The following NTN4 variants were observed in gnomAD, a reference collection of about 807,000 sequenced individuals.
NTN4 encodes the protein netrin 4.
In NTN4, 32 loss-of-function variants were observed where a neutral mutation model predicts 73.6. That is an observed-to-expected ratio of 0.44 (90% CI 0.33 to 0.58). NTN4 has a LOEUF of 0.58. NTN4 is among the 20% of genes least tolerant of loss of function. The probability of loss-of-function intolerance (pLI) is 0.04; values close to 1 mark genes in which losing one functional copy is unlikely to be tolerated. For synonymous variants in NTN4, 258 were observed against 287.5 expected (o/e 0.90, Z 1.04); for missense variants, 654 against 798.3 (o/e 0.82, Z 2.18).
chr12:95,729,846 G>T (rs1000282650), intron 3 of NTN4, among the ~76,000 whole-genome samples: 2 of 152,100 alleles, frequency 1.3e-5, no homozygotes, highest in African/African-American at 2.4e-5. Context: ...GACACGATTT[G>T]TGCACCAGAA....
intron 8 of NTN4, among the ~76,000 whole-genome samples, 193 bp downstream of exon 8, chr12:95,669,885 G>A (rs1014152671): frequency 3.3e-5 from 5 of 152,096 alleles, no homozygotes; most frequent in Non-Finnish European, 7.4e-5. Context: ...TCCTCCCTGG[G>A]ACATCCATCA....
intron 2 of NTN4, among the ~76,000 whole-genome samples, chr12:95,739,138 T>C (rs2078804231): frequency 6.6e-6 from 1 of 152,230 alleles, no homozygotes; most frequent in South Asian, 2.1e-4. Context: ...TGGCACATAG[T>C]AAGTATTCAA....
At chr12:95,710,291 C>T (rs918539827) in intron 5 of NTN4, 150 bp downstream of exon 5, 1 of 576,502 alleles carries the variant, frequency 1.7e-6, no homozygotes, top group South Asian at 3.3e-5. Flanking sequence ...AAATTCTTGC[C>T]TCTTATCAAT....
chr12:95,780,448 T>G (rs2079123977), intron 2 of NTN4, among the ~76,000 whole-genome samples: 1 of 151,892 alleles, frequency 6.6e-6, no homozygotes, highest in Non-Finnish European at 1.5e-5. Context: ...TCAAACAAAT[T>G]TACCAGAAAA....
At chr12:95,762,857 AAACT>A (rs1236817605) in intron 2 of NTN4, among the ~76,000 whole-genome samples, 19 of 152,216 alleles carry the variant, frequency 1.2e-4, no homozygotes. Context: ...ATTGGCAAAC[AAACT>A]AACTCTCATT....
intron 5 of NTN4, among the ~76,000 whole-genome samples, chr12:95,685,190 T>C (rs1223114065): frequency 6.6e-6 from 1 of 152,202 alleles, no homozygotes; most frequent in African/African-American, 2.4e-5. Flanking sequence ...ATTTATTCAA[T>C]TTTTCCTGGA....
intron 2 of NTN4, among the ~76,000 whole-genome samples, chr12:95,751,731 G>T (rs568598160): frequency 7.9e-5 from 12 of 151,772 alleles, no homozygotes; most frequent in African/African-American, 2.4e-4. Flanking sequence ...GGAAGGTAAG[G>T]CCGTCCCCTT....
intron 3 of NTN4, among the ~76,000 whole-genome samples, chr12:95,727,376 C>T (rs1302169229): frequency 6.6e-6 from 1 of 152,162 alleles, no homozygotes; most frequent in East Asian, 1.9e-4. Context: ...CCATTCTGTG[C>T]ATTGTCTTTT....
chr12:95,720,873 A>G (rs1565895916), intron 3 of NTN4, among the ~76,000 whole-genome samples: 2 of 152,252 alleles, frequency 1.3e-5, no homozygotes, highest in Non-Finnish European at 2.9e-5. Flanking sequence ...AGTAGCTCTT[A>G]CTATATACCC....
chr12:95,665,910 C>T lies in NTN4; in HGVS notation c.1650G>A (p.Lys550=), dbSNP rs1300524236. ...TCTTCAGTTTGGTAGATTTTAAGACCTTTTTAATCTTCACATTGACCTCAA... is the reference window on the plus strand; with the variant it reads ...TCTTCAGTTTGGTAGATTTTAAGACTTTTTTAATCTTCACATTGACCTCAA... The part of the protein sequence containing the change: ...THVEVNVKIK[K]VLKSTKLKIF... Residue 550 remains lysine, a synonymous_variant, in exon 9 of 10, where the codon AAG becomes AAA. Coordinates refer to ENST00000343702, the MANE Select transcript of NTN4 (RefSeq NM_021229.4). 1.2e-6 allele frequency: 2 copies of T among 1,613,350 alleles called. No homozygotes were observed. The highest frequency in any genetic ancestry group is 2.2e-5 in the South Asian group (2 of 91,050).
chr12:95,681,501 A>C (rs2078315768), intron 7 of NTN4, among the ~76,000 whole-genome samples: 1 of 152,192 alleles, frequency 6.6e-6, no homozygotes, highest in Non-Finnish European at 1.5e-5. Context: ...TTTCATAATA[A>C]AATATATTTA....
In NTN4 at chr12:95,787,225, C is replaced by T. The variant is rs537136429; in HGVS notation, c.299G>A (p.Arg100Gln). 267 of 1,614,140 alleles carry T rather than the reference C, an allele frequency of 1.7e-4. 4 individuals carry two copies. In the South Asian group the frequency reaches 2.2e-3, roughly 13 times the overall value. ...LPSAMADSSFRFPRTWWQSAE... is the reference protein window; with the variant it reads ...LPSAMADSSFQFPRTWWQSAE... ...AGACTGCCACCATGTGCGAGGAAAC[C>T]GGAAGGATGAGTCTGCCATGGCAGA... The change falls in exon 2 of 10, where the codon CGG becomes CAG. Residue 100 changes from arginine (R) to glutamine (Q), a missense_variant. Physicochemically the swap from Arg to Gln is conservative, Grantham distance 43. Coordinates refer to ENST00000343702, the MANE Select transcript of NTN4 (RefSeq NM_021229.4).
chr12:95,743,796 G>C (rs188313578), intron 2 of NTN4, among the ~76,000 whole-genome samples: 1 of 152,232 alleles, frequency 6.6e-6, no homozygotes, highest in Non-Finnish European at 1.5e-5. Flanking sequence ...CCTTGAAAAA[G>C]TATTGAAATA....
intron 2 of NTN4, among the ~76,000 whole-genome samples, chr12:95,742,645 G>A (rs2078835117): frequency 6.6e-6 from 1 of 152,124 alleles, no homozygotes; most frequent in South Asian, 2.1e-4. Context: ...CCGTCCTGTG[G>A]ACTCCCTTGG....
intron 3 of NTN4, among the ~76,000 whole-genome samples, chr12:95,727,764 G>C (rs11108218): frequency 0.16 from 24,664 of 152,108 alleles, 2,287 homozygotes; most frequent in South Asian, 0.22. Context: ...CTTCAAGGTT[G>C]TTTTGGCTAT....
rs549523405 is a variant in NTN4, at chr12:95,733,527, A to G, written c.864+4339T>C. On this transcript the variant is annotated intron_variant, in intron 3 of 9. Coordinates refer to ENST00000343702, the MANE Select transcript of NTN4 (RefSeq NM_021229.4). Reference sequence around the variant, plus strand: ...AGCATCAGACTTTTAAATCCTTACCATAACTACAAAAGGTAGATATTATCC... The same window carrying G: ...AGCATCAGACTTTTAAATCCTTACCGTAACTACAAAAGGTAGATATTATCC... 5.3e-5 allele frequency among the ~76,000 whole-genome samples: 8 copies of G among 152,342 alleles called. No homozygotes were observed. In the South Asian group the frequency reaches 1.7e-3, roughly 32 times the overall value.
chr12:95,691,497 G>A (rs1373053303), intron 5 of NTN4, among the ~76,000 whole-genome samples: 3 of 152,204 alleles, frequency 2.0e-5, no homozygotes, highest in Non-Finnish European at 4.4e-5. Context: ...CCAGGTTCAA[G>A]CTATTCTCAT....
intron 2 of NTN4, among the ~76,000 whole-genome samples, chr12:95,747,730 A>G (rs1223007880): frequency 6.6e-6 from 1 of 152,212 alleles, no homozygotes; most frequent in African/African-American, 2.4e-5. Flanking sequence ...AATCATGTCA[A>G]TACAGGTTTA....
At chr12:95,751,458 G>A (rs1001345108) in intron 2 of NTN4, among the ~76,000 whole-genome samples, 5 of 152,194 alleles carry the variant, frequency 3.3e-5, no homozygotes, top group Admixed American at 6.5e-5. Context: ...TACATATGCT[G>A]GAAATCTGGC....
Sources: allele counts gnomAD v4.1 joint callset (sites outside exome capture counted in the v4.1 genomes callset), GRCh38; gene constraint gnomAD v4.1.1; transcripts MANE v1.5; gene names NCBI Gene and HGNC (gene_info 2026-07-23, HGNC 2026-07-21).